LPXN: variants seen among roughly 807,000 people sequenced by gnomAD.
LPXN encodes the protein leupaxin.
LPXN carries 28 observed loss-of-function variants against 45.6 expected under a neutral mutation model. The ratio of observed to expected loss-of-function variants is 0.61; its 90% CI spans 0.45 to 0.84. The LOEUF (loss-of-function observed/expected upper bound fraction) is 0.84, where lower values mean the gene tolerates loss of function less well. Among genes scored for constraint, LPXN ranks in the 40% least tolerant of loss-of-function variants. The probability of loss-of-function intolerance (pLI) is 0.00; values close to 1 mark genes in which losing one functional copy is unlikely to be tolerated. For synonymous variants in LPXN, 166 were observed against 169.9 expected, an observed-to-expected ratio of 0.98 and a Z score of 0.18; for missense variants, 459 against 475.0, an observed-to-expected ratio of 0.97 and a Z score of 0.31.
chr11:58,577,223 GTC>G (rs1361703378), upstream of LPXN, among the ~76,000 whole-genome samples: 1 of 151,972 alleles, frequency 6.6e-6, no homozygotes, highest in Non-Finnish European at 1.5e-5. Flanking sequence ...CCTTCCAAAA[GTC>G]TGCTCACTAC....
intron 7 of LPXN, among the ~76,000 whole-genome samples, chr11:58,533,075 A>G (rs184873178): frequency 1.7e-4 from 26 of 152,328 alleles, no homozygotes; most frequent in African/African-American, 6.0e-4. Context: ...TCCTGAAGCC[A>G]GCGAAACCAC....
chr11:58,546,980 G>A lies in LPXN; in HGVS notation c.742+2806C>T, dbSNP rs898489067. Among the ~76,000 whole-genome samples, 6 of 152,156 alleles carry A rather than the reference G, an allele frequency of 3.9e-5. 1 individual carries two copies. The highest frequency in any genetic ancestry group is 2.6e-4 in the Admixed American group (4 of 15,280). On this transcript the variant is annotated intron_variant, in intron 7 of 8. Coordinates refer to ENST00000395074, the MANE Select transcript of LPXN (RefSeq NM_004811.3). ...GTGCCCCATCACCACCAAGAAAGAT[G>A]AGGTATAGTTCTTGATAACCTCAGG...
intron 5 of LPXN, among the ~76,000 whole-genome samples, chr11:58,550,555 T>C (rs959706679): frequency 4.6e-5 from 7 of 152,200 alleles, no homozygotes; most frequent in African/African-American, 1.7e-4. Flanking sequence ...CCACGCCCCA[T>C]GCAGTCAGGT....
intron 1 of LPXN, among the ~76,000 whole-genome samples, chr11:58,571,663 CTT>C (rs549063326): frequency 1.7e-3 from 220 of 132,966 alleles, no homozygotes; most frequent in African/African-American, 5.7e-3. Flanking sequence ...AGTTTTTTTT[CTT>C]TTTTTTTTTT....
At chr11:58,566,341 G>A (rs964540818) in intron 2 of LPXN, among the ~76,000 whole-genome samples, 7 of 152,058 alleles carry the variant, frequency 4.6e-5, no homozygotes, top group African/African-American at 1.7e-4. Flanking sequence ...TCATTTTTTA[G>A]ATTAAAATAT....
intron 2 of LPXN, 36 bp downstream of exon 2, chr11:58,570,520 A>T: frequency 6.7e-7 from 1 of 1,503,180 alleles, no homozygotes; most frequent in Non-Finnish European, 9.1e-7. Flanking sequence ...GCACTCAAAC[A>T]TCCATGTTTA....
intron 3 of LPXN, 69 bp from the exon 4 acceptor site, chr11:58,555,009 G>T: frequency 2.0e-6 from 2 of 992,716 alleles, no homozygotes; most frequent in Non-Finnish European, 3.2e-6. Context: ...CACACATAAA[G>T]TACTGGAAAT....
At chr11:58,576,100 T>C (rs1245567903), upstream of LPXN, among the ~76,000 whole-genome samples, 1 of 152,160 alleles carries the variant, frequency 6.6e-6, no homozygotes, top group Non-Finnish European at 1.5e-5. Flanking sequence ...GGATTCATCT[T>C]GGATTCATGG....
intron 7 of LPXN, among the ~76,000 whole-genome samples, chr11:58,542,925 TTTACAC>T (rs1853773404): frequency 6.6e-6 from 1 of 152,194 alleles, no homozygotes; most frequent in Non-Finnish European, 1.5e-5. Flanking sequence ...TTTTATTGTC[TTTACAC>T]TTACAACAAA....
intron 3 of LPXN, among the ~76,000 whole-genome samples, chr11:58,556,654 A>C (rs1165462341): frequency 6.6e-6 from 1 of 152,164 alleles, no homozygotes; most frequent in African/African-American, 2.4e-5. Context: ...GAATGAATAA[A>C]AAAGATCAGG....
Position 58,554,943 on chromosome 11 carries a change from A to C in LPXN, c.219-3T>G. ...ATTCCTTTGGCTCTTGGGCTTCACT[A>C]TAGAGGGAAAACAAAAAAGTCATAT... On this transcript the variant is annotated splice_polypyrimidine_tract_variant and splice_region_variant and intron_variant, in intron 3 of 8. Transcript: ENST00000395074. 6.2e-7 allele frequency: 1 copy of C among 1,602,476 alleles called. No individual in the cohort carries two copies. The highest frequency in any genetic ancestry group is 8.6e-7 in the Non-Finnish European group (1 of 1,169,586).
intron 4 of LPXN, among the ~76,000 whole-genome samples, chr11:58,553,514 CAA>C (rs967226623): frequency 2.6e-5 from 4 of 152,078 alleles, no homozygotes; most frequent in African/African-American, 9.7e-5. Context: ...ACTGGCCCAT[CAA>C]AGGATGTCAG....
At chr11:58,566,579 T>C (rs112721014) in intron 2 of LPXN, among the ~76,000 whole-genome samples, 2,686 of 152,320 alleles carry the variant, frequency 0.018, 90 homozygotes, top group African/African-American at 0.061. Flanking sequence ...TCAAAATACA[T>C]CAAAGTCAAG....
rs1454628856 is a variant in LPXN at position 58,554,933 on chromosome 11, G to C, written c.226C>G (p.Gln76Glu). Residue 76 changes from glutamine (Q) to glutamate (E), a missense_variant, in exon 4 of 9, where the codon CAA becomes GAA. Physicochemically the swap from Gln to Glu is conservative, Grantham distance 29. Coordinates refer to ENST00000395074, the MANE Select transcript of LPXN (RefSeq NM_004811.3). ...GGTGGTGGTGATTCCTTTGGCTCTTGGGCTTCACTATAGAGGGAAAACAAA... is the reference window on the plus strand; with the variant it reads ...GGTGGTGGTGATTCCTTTGGCTCTTCGGCTTCACTATAGAGGGAAAACAAA... ...IQELNVYSEA[Q>E]EPKESPPPSK... 1.2e-6 allele frequency: 2 copies of C among 1,612,346 alleles called. No individual in the cohort carries two copies. Among genetic ancestry groups the C allele is most frequent in the Middle Eastern group, 1.7e-4 (1 of 6,050 alleles).
intron 7 of LPXN, among the ~76,000 whole-genome samples, chr11:58,538,256 A>G (rs1263157668): frequency 7.9e-5 from 12 of 152,120 alleles, no homozygotes; most frequent in Non-Finnish European, 1.3e-4. Flanking sequence ...TCTTTATAGC[A>G]GCATGATTTA....
At chr11:58,549,571 A>C (rs1475360693) in intron 7 of LPXN, among the ~76,000 whole-genome samples, 1 of 152,250 alleles carries the variant, frequency 6.6e-6, no homozygotes, top group Non-Finnish European at 1.5e-5. Flanking sequence ...TTGAGTTTTT[A>C]AACTATGCAT....
rs35870490 is a variant in LPXN at position 58,558,540 on chromosome 11, C to CAAA, written c.219-3603_219-3601dup. Among the ~76,000 whole-genome samples the CAAA allele has an allele frequency of 8.7e-3, 417 of 47,946 alleles. 14 individuals are homozygous for CAAA. The highest frequency in any genetic ancestry group is 0.026 in the African/African-American group (353 of 13,562). 31.5% of individuals were successfully genotyped at this position (47,946 alleles called of 152,430 possible). A position where few individuals can be genotyped will look rare whatever the true frequency, so the allele number is the denominator to read the frequency against. On this transcript the variant is annotated intron_variant, in intron 3 of 8. Transcript: ENST00000395074. The stretch of plus-strand genomic sequence containing the variant: ...CAACAGAAGCAGAATGAGACCCTGT[C>CAAA]AAAAAAAAAAAAAAAAAAAAAAAAG...
At chr11:58,533,686 T>C (rs1853464172) in intron 7 of LPXN, among the ~76,000 whole-genome samples, 1 of 152,142 alleles carries the variant, frequency 6.6e-6, no homozygotes, top group Non-Finnish European at 1.5e-5. Flanking sequence ...TAACCTTAAA[T>C]GTAAATGGAC....
chr11:58,536,720 G>A (rs1460391321), intron 7 of LPXN, among the ~76,000 whole-genome samples: 2 of 152,088 alleles, frequency 1.3e-5, no homozygotes, highest in Admixed American at 6.5e-5. Flanking sequence ...GAGTGAACAG[G>A]CAATCTACAA....
Sources: allele counts gnomAD v4.1 joint callset (sites outside exome capture counted in the v4.1 genomes callset), GRCh38; gene constraint gnomAD v4.1.1; transcripts MANE v1.5; gene names NCBI Gene and HGNC (gene_info 2026-07-23, HGNC 2026-07-21).